PLB1: variants seen among roughly 807,000 people sequenced by gnomAD.
PLB1 encodes the protein phospholipase B1, membrane-associated.
In PLB1, 242 loss-of-function variants were observed where a neutral mutation model predicts 227.4. That is an observed-to-expected ratio of 1.06 (90% CI 0.96 to 1.18). PLB1 has a LOEUF of 1.18. Among genes scored for constraint, PLB1 ranks in the 50% most tolerant of loss-of-function variants. The pLI is 0.00. For missense variants in PLB1, 1,858 were observed against 1,816.3 expected, an observed-to-expected ratio of 1.02 and a Z score of -0.42; for synonymous variants, 757 against 682.2, an observed-to-expected ratio of 1.11 and a Z score of -1.71.
intron 24 of PLB1, 106 bp downstream of exon 24, chr2:28,582,239 A>T: frequency 2.2e-6 from 3 of 1,358,384 alleles, no homozygotes; most frequent in Non-Finnish European, 3.1e-6. Flanking sequence ...TTTGTTGTGG[A>T]TCCCAGCCCA....
intron 30 of PLB1, 32 bp from the exon 31 acceptor site, chr2:28,591,668 C>T (rs1264449949): frequency 1.2e-6 from 2 of 1,610,322 alleles, no homozygotes; most frequent in African/African-American, 1.3e-5. Context: ...CCTTTCAACC[C>T]TGAGATTCTG....
chr2:28,528,593 G>C (rs1670588288), intron 6 of PLB1, among the ~76,000 whole-genome samples: 1 of 152,184 alleles, frequency 6.6e-6, no homozygotes, highest in Non-Finnish European at 1.5e-5. Context: ...CAGAACTCTG[G>C]TTCAAACCCC....
chr2:28,621,718 G>A (rs146109646), intron 49 of PLB1, among the ~76,000 whole-genome samples: 4 of 152,280 alleles, frequency 2.6e-5, no homozygotes, highest in East Asian at 1.9e-4. Flanking sequence ...AAGTGGTAAC[G>A]TGGGCCCCAT....
intron 7 of PLB1, 127 bp downstream of exon 7, chr2:28,529,534 C>T (rs889486251): frequency 6.3e-6 from 6 of 957,082 alleles, no homozygotes; most frequent in Non-Finnish European, 9.5e-6. Flanking sequence ...AGTCAAAGCC[C>T]AAATGCCCCC....
At chr2:28,568,755 C>T (rs1677494165) in intron 20 of PLB1, among the ~76,000 whole-genome samples, 1 of 152,170 alleles carries the variant, frequency 6.6e-6, no homozygotes, top group Admixed American at 6.5e-5. Flanking sequence ...GCTGTTAACC[C>T]TGTCTTCTGA....
intron 8 of PLB1, among the ~76,000 whole-genome samples, chr2:28,530,649 G>T (rs540429082): frequency 3.2e-4 from 48 of 152,348 alleles, no homozygotes; most frequent in African/African-American, 1.1e-3. Context: ...TAGATCTTTT[G>T]TGTTGCCCTT....
chr2:28,547,656 A>G (rs1673504525), intron 14 of PLB1, among the ~76,000 whole-genome samples: 1 of 152,076 alleles, frequency 6.6e-6, no homozygotes, highest in Non-Finnish European at 1.5e-5. Context: ...TGGCAGAGTC[A>G]TTGGAAGGGG....
intron 1 of PLB1, among the ~76,000 whole-genome samples, chr2:28,503,082 G>A (rs970726199): frequency 6.6e-6 from 1 of 151,294 alleles, no homozygotes; most frequent in South Asian, 2.1e-4. Flanking sequence ...TTTGTTTCTG[G>A]TACTGATTAT....
chr2:28,525,860 G>A (rs1670176386), intron 5 of PLB1, 45 bp from the exon 6 acceptor site: 1 of 1,610,772 alleles, frequency 6.2e-7, no homozygotes, highest in Non-Finnish European at 8.5e-7. Flanking sequence ...ATTGGCAGGT[G>A]ACACAAATGC....
chr2:28,557,851 C>T (rs764295796), intron 17 of PLB1, among the ~76,000 whole-genome samples: 16 of 152,158 alleles, frequency 1.1e-4, no homozygotes, highest in Non-Finnish European at 1.3e-4. Context: ...TTAATGATGA[C>T]ATTAACAAAC....
intron 43 of PLB1, among the ~76,000 whole-genome samples, chr2:28,613,267 C>T (rs189127453): frequency 4.1e-4 from 63 of 152,280 alleles, no homozygotes; most frequent in African/African-American, 1.5e-3. Context: ...CATTTTCAGA[C>T]CATGGGCTTA....
chr2:28,582,366 A>G lies in PLB1; in HGVS notation c.1633-39A>G, dbSNP rs770746048. 19 of 1,574,158 alleles carry G rather than the reference A, an allele frequency of 1.2e-5. No individual in the cohort carries two copies. The East Asian group carries it at 3.6e-4, about 30-fold the overall frequency. On this transcript the variant is annotated intron_variant, in intron 24 of 57. Transcript: ENST00000327757. ...CCCAAACCGAGGTGAAAGGCTGCCCAGCCTCATCCTCTTGGTGACTGAGTT... is the reference window on the plus strand; with the variant it reads ...CCCAAACCGAGGTGAAAGGCTGCCCGGCCTCATCCTCTTGGTGACTGAGTT...
intron 41 of PLB1, among the ~76,000 whole-genome samples, chr2:28,605,348 G>A (rs932846370): frequency 6.6e-6 from 1 of 152,144 alleles, no homozygotes; most frequent in African/African-American, 2.4e-5. Context: ...TAACTGGAAA[G>A]CAGGAAGGAG....
At chr2:28,511,423 C>T (rs978051216) in intron 1 of PLB1, among the ~76,000 whole-genome samples, 3 of 152,132 alleles carry the variant, frequency 2.0e-5, no homozygotes, top group Admixed American at 2.0e-4. Context: ...CCAGTTTGTA[C>T]AGTAAATATT....
chr2:28,631,893 G>A lies in PLB1; in HGVS notation c.3898-143G>A, dbSNP rs529864058. The A allele has an allele frequency of 1.4e-5, 9 of 645,246 alleles. No individual in the cohort carries two copies. The African/African-American group carries it at 1.6e-4, about 12-fold the overall frequency. 40.0% of individuals were successfully genotyped at this position (645,246 alleles called of 1,614,324 possible). On this transcript the variant is annotated intron_variant, in intron 54 of 57. Transcript: ENST00000327757. ...ATGGGTGGAGAATAAAAGTATGTTT[G>A]CATCCCACTAGAGTAGCCCCTTAAA...
At chr2:28,520,280 G>C (rs1216047198) in intron 4 of PLB1, among the ~76,000 whole-genome samples, 2 of 151,658 alleles carry the variant, frequency 1.3e-5, no homozygotes, top group Non-Finnish European at 2.9e-5. Context: ...ACATCAAGGT[G>C]AGGAAACTTT....
At chr2:28,559,891 A>G (rs1675779425) in intron 17 of PLB1, among the ~76,000 whole-genome samples, 1 of 151,954 alleles carries the variant, frequency 6.6e-6, no homozygotes, top group Non-Finnish European at 1.5e-5. Flanking sequence ...AGCTGGGACT[A>G]TAAGAGCACA....
intron 57 of PLB1, among the ~76,000 whole-genome samples, chr2:28,641,743 C>T (rs916871106): frequency 2.2e-4 from 33 of 152,146 alleles, no homozygotes; most frequent in Non-Finnish European, 2.9e-5. Context: ...CACCCACTGC[C>T]CTTGCCTGGC....
intron 43 of PLB1, among the ~76,000 whole-genome samples, chr2:28,612,495 A>C (rs917637057): frequency 6.6e-6 from 1 of 152,230 alleles, no homozygotes; most frequent in Non-Finnish European, 1.5e-5. Context: ...TCATCTATAA[A>C]GTGGGGCATT....
Sources: gnomAD v4.1 joint callset for allele counts (sites outside exome capture counted in the v4.1 genomes callset) on GRCh38, gnomAD v4.1.1 for gene constraint, MANE v1.5 for transcripts, NCBI Gene and HGNC (gene_info 2026-07-23, HGNC 2026-07-21) for gene names.